SLC24A2: variants seen among roughly 807,000 people sequenced by gnomAD.
SLC24A2 encodes solute carrier family 24 member 2, also known as sodium/potassium/calcium exchanger 2.
SLC24A2 carries 36 observed loss-of-function variants against 62.0 expected under a neutral mutation model. That is an observed-to-expected ratio of 0.58 (90% CI 0.44 to 0.77). SLC24A2 has a LOEUF of 0.77. SLC24A2 is among the 30% of genes least tolerant of loss of function. The pLI is 0.00. For synonymous variants in SLC24A2, 358 were observed against 294.0 expected, an observed-to-expected ratio of 1.22 and a Z score of -2.23; for missense variants, 846 against 817.9, an observed-to-expected ratio of 1.03 and a Z score of -0.42.
the SLC24A2 span, among the ~76,000 whole-genome samples, chr9:20,175,233 G>T: frequency 6.6e-6 from 1 of 151,856 alleles, no homozygotes; most frequent in East Asian, 1.9e-4. Flanking sequence ...GGGACTCAGG[G>T]GGAAAGGTGG....
At chr9:19,614,712 A>ACC (rs1373777060) in intron 4 of SLC24A2, among the ~76,000 whole-genome samples, 1 of 151,518 alleles carries the variant, frequency 6.6e-6, no homozygotes, top group Non-Finnish European at 1.5e-5. Context: ...TGCTCTTGGA[A>ACC]CCCTTAACTA....
chr9:19,618,247 C>T (rs910885286), intron 4 of SLC24A2, among the ~76,000 whole-genome samples: 2 of 152,178 alleles, frequency 1.3e-5, no homozygotes, highest in African/African-American at 4.8e-5. Context: ...TCTCTTTACT[C>T]CCTTCTCTGG....
the SLC24A2 span, among the ~76,000 whole-genome samples, chr9:20,078,263 C>G: frequency 6.6e-6 from 1 of 152,110 alleles, no homozygotes; most frequent in Non-Finnish European, 1.5e-5. Flanking sequence ...GAGCTTGTTT[C>G]TGTTGCTATT....
At chr9:19,829,323 C>T in the SLC24A2 span, among the ~76,000 whole-genome samples, 26 of 152,088 alleles carry the variant, frequency 1.7e-4, no homozygotes, top group Admixed American at 1.7e-3. Flanking sequence ...GATATAGCTT[C>T]CCCCACTCAG....
At chr9:20,248,447 C>T in the SLC24A2 span, among the ~76,000 whole-genome samples, 1 of 152,304 alleles carries the variant, frequency 6.6e-6, no homozygotes, top group Admixed American at 6.5e-5. Flanking sequence ...GCCAACAGAT[C>T]TAGTTTATGG....
intron 2 of SLC24A2, among the ~76,000 whole-genome samples, chr9:19,633,351 C>T (rs1429244697): frequency 2.6e-5 from 4 of 152,164 alleles, no homozygotes; most frequent in East Asian, 1.9e-4. Flanking sequence ...TAAGACCATG[C>T]TTTTGTTTTA....
the SLC24A2 span, among the ~76,000 whole-genome samples, chr9:20,162,229 C>T: frequency 6.6e-6 from 1 of 151,548 alleles, no homozygotes; most frequent in African/African-American, 2.4e-5. Flanking sequence ...CATAGCAAGA[C>T]ACCTCTTAAA....
At chr9:20,184,995 G>C in the SLC24A2 span, among the ~76,000 whole-genome samples, 1 of 152,014 alleles carries the variant, frequency 6.6e-6, no homozygotes, top group Non-Finnish European at 1.5e-5. Context: ...AGTCAGGCAC[G>C]GAAAAACAAA....
At chr9:19,714,643 G>A (rs994791646) in intron 2 of SLC24A2, among the ~76,000 whole-genome samples, 15 of 151,854 alleles carry the variant, frequency 9.9e-5, no homozygotes, top group South Asian at 2.1e-4. Context: ...TTTTTTTTGC[G>A]TATATCTATT....
intron 2 of SLC24A2, among the ~76,000 whole-genome samples, chr9:19,754,046 T>A (rs1280306314): frequency 1.3e-5 from 2 of 152,188 alleles, no homozygotes; most frequent in East Asian, 1.9e-4. Flanking sequence ...AAAAAAATTT[T>A]AAAAACTCCT....
chr9:19,542,506 T>G (rs1271443532), intron 8 of SLC24A2, among the ~76,000 whole-genome samples: 1 of 152,198 alleles, frequency 6.6e-6, no homozygotes, highest in African/African-American at 2.4e-5. Flanking sequence ...GAGGGCATCC[T>G]TGTCTTGTGC....
chr9:19,599,989 AAAG>A lies in SLC24A2; in HGVS notation c.1079-2713_1079-2711del, dbSNP rs1484145893. ...GGTTAGTTTTTTTGGGGATAGGAGG[AAAG>A]AAGTAAGGGAGTTCAAGAGTCTATT... On this transcript the variant is annotated intron_variant, in intron 4 of 10. Transcript: ENST00000341998. The surrounding 1 kb of genome is among the most constrained non-coding windows in gnomAD (Gnocchi z 4.5). 3.9e-5 allele frequency among the ~76,000 whole-genome samples: 6 copies of A among 152,184 alleles called. No homozygotes were observed. The highest frequency in any genetic ancestry group is 2.0e-4 in the Admixed American group (3 of 15,274).
rs1587014167 is a variant in SLC24A2 at position 19,599,146 on chromosome 9, A to G, written c.1079-1867T>C. Among the ~76,000 whole-genome samples the G allele has an allele frequency of 6.6e-6, 1 of 152,132 alleles. No individual in the cohort carries two copies. The highest frequency in any genetic ancestry group is 1.9e-4 in the East Asian group (1 of 5,200). ...ATATCTGCTTGTGGCAGATGATATT[A>G]CTCCTCACCTCATCTCTTGCAGAAT... is the stretch of plus-strand genomic sequence containing the variant. On this transcript the variant is annotated intron_variant, in intron 4 of 10. Coordinates refer to ENST00000341998, the MANE Select transcript of SLC24A2 (RefSeq NM_020344.4). The surrounding 1 kb of genome is among the most constrained non-coding windows in gnomAD (Gnocchi z 4.5).
the SLC24A2 span, among the ~76,000 whole-genome samples, chr9:19,919,736 CCTT>C: frequency 6.6e-6 from 1 of 152,146 alleles, no homozygotes; most frequent in Admixed American, 6.5e-5. Flanking sequence ...GCAAATATGT[CCTT>C]CTTCACATGA....
chr9:20,265,013 C>G, the SLC24A2 span, among the ~76,000 whole-genome samples: 2 of 152,222 alleles, frequency 1.3e-5, no homozygotes, highest in Middle Eastern at 3.2e-3. Context: ...ACATCTGGGT[C>G]TATTAGCATG....
At chr9:20,238,149 A>G in the SLC24A2 span, among the ~76,000 whole-genome samples, 1 of 152,150 alleles carries the variant, frequency 6.6e-6, no homozygotes, top group Non-Finnish European at 1.5e-5. Flanking sequence ...TTCAGATTCA[A>G]CTACATTTAT....
chr9:20,163,888 T>A, the SLC24A2 span, among the ~76,000 whole-genome samples: 1 of 152,282 alleles, frequency 6.6e-6, no homozygotes, highest in South Asian at 2.1e-4. Flanking sequence ...GGGAAAGGAT[T>A]CCCTATTTAA....
chr9:19,654,297 T>C (rs1308882950), intron 2 of SLC24A2, among the ~76,000 whole-genome samples: 1 of 152,208 alleles, frequency 6.6e-6, no homozygotes, highest in Non-Finnish European at 1.5e-5. Flanking sequence ...CTTGGACCTT[T>C]GGCTTCAGTG....
chr9:19,600,218 T>C (rs113941311), intron 4 of SLC24A2, among the ~76,000 whole-genome samples: 1 of 152,196 alleles, frequency 6.6e-6, no homozygotes, highest in East Asian at 1.9e-4. Flanking sequence ...TGTAATCCGA[T>C]TGTAAATGCT....
Sources: gnomAD v4.1 joint callset for allele counts (sites outside exome capture counted in the v4.1 genomes callset) on GRCh38, gnomAD v4.1.1 for gene constraint, Gnocchi (gnomAD v3.1) non-coding constraint, MANE v1.5 for transcripts, NCBI Gene and HGNC (gene_info 2026-07-23, HGNC 2026-07-21) for gene names.